Variants in CCDC138 observed in about 807,000 individuals in gnomAD.
CCDC138 encodes the protein coiled-coil domain containing 138.
In CCDC138, 66 loss-of-function variants were observed where a neutral mutation model predicts 82.3. The ratio of observed to expected loss-of-function variants is 0.80; its 90% CI spans 0.66 to 0.98. The LOEUF is 0.98. Among genes scored for constraint, CCDC138 ranks in the 50% least tolerant of loss-of-function variants. The probability of loss-of-function intolerance (pLI) is 0.00; values close to 1 mark genes in which losing one functional copy is unlikely to be tolerated. For synonymous variants in CCDC138, 297 were observed against 265.4 expected (o/e 1.12, Z -1.16); for missense variants, 816 against 758.9 (o/e 1.08, Z -0.88).
At chr2:108,858,817 A>G (rs1693082293) in intron 13 of CCDC138, among the ~76,000 whole-genome samples, 1 of 152,098 alleles carries the variant, frequency 6.6e-6, no homozygotes. Flanking sequence ...AATGGCATCC[A>G]GCTGCATCCA....
In CCDC138 at chr2:108,861,472, C is replaced by CTTTT. The variant is rs201132350; in HGVS notation, c.1693+4525_1693+4528dup. On this transcript the variant is annotated intron_variant, in intron 13 of 14. Transcript: ENST00000295124. ...ACATTTAGCACTATAAACTTTCTTC[C>CTTTT]TTTTTTTTTTTTTTTTTTTTTTTTT... Among the ~76,000 whole-genome samples the CTTTT allele has an allele frequency of 1.5e-4, 18 of 123,522 alleles. 5 individuals are homozygous for CTTTT. The highest frequency in any genetic ancestry group is 5.8e-4 in the African/African-American group (15 of 25,876). 81.0% of individuals were successfully genotyped at this position (123,522 alleles called of 152,430 possible).
At chr2:108,881,115 A>T (rs574596222), downstream of CCDC138, among the ~76,000 whole-genome samples, 1 of 152,346 alleles carries the variant, frequency 6.6e-6, no homozygotes, top group South Asian at 2.1e-4. Context: ...TGGTCTTCCA[A>T]TAGAAGGCTG....
chr2:108,794,029 T>C (rs1258799841), intron 4 of CCDC138, among the ~76,000 whole-genome samples: 1 of 152,144 alleles, frequency 6.6e-6, no homozygotes, highest in Non-Finnish European at 1.5e-5. Context: ...AAATAGGATA[T>C]ACAGTGAAGA....
chr2:108,875,400 C>G (rs1695887387), intron 14 of CCDC138, among the ~76,000 whole-genome samples: 1 of 149,276 alleles, frequency 6.7e-6, no homozygotes, highest in Non-Finnish European at 1.5e-5. Context: ...GATGGTTGAA[C>G]AAGTATTCTA....
chr2:108,884,637 T>A (rs1180182950), intron 2 of CCDC138: 1 of 152,196 alleles, frequency 6.6e-6, no homozygotes, highest in East Asian at 1.9e-4. Flanking sequence ...AAGTCAAGGA[T>A]GATGGTTTTG....
chr2:108,875,374 A>G (rs1695884273), intron 14 of CCDC138, among the ~76,000 whole-genome samples: 1 of 151,772 alleles, frequency 6.6e-6, no homozygotes, highest in African/African-American at 2.4e-5. Flanking sequence ...AATTACTGAC[A>G]GGTTATTAGA....
intron 12 of CCDC138, among the ~76,000 whole-genome samples, chr2:108,849,711 A>G (rs1691124423): frequency 6.6e-6 from 1 of 152,230 alleles, no homozygotes; most frequent in African/African-American, 2.4e-5. Flanking sequence ...TGGAACAAGG[A>G]AGAGATACAA....
At chr2:108,881,373 C>G (rs1696286575), downstream of CCDC138, among the ~76,000 whole-genome samples, 2 of 152,224 alleles carry the variant, frequency 1.3e-5, no homozygotes, top group Admixed American at 1.3e-4. Flanking sequence ...ATGGATTAGG[C>G]TTTGGCTTAA....
intron 10 of CCDC138, among the ~76,000 whole-genome samples, chr2:108,838,525 T>A (rs1363489529): frequency 6.6e-6 from 1 of 152,174 alleles, no homozygotes; most frequent in Non-Finnish European, 1.5e-5. Flanking sequence ...TAGGCTGGTA[T>A]CTCAGAAGTG....
intron 13 of CCDC138, among the ~76,000 whole-genome samples, chr2:108,872,611 G>A (rs1439329504): frequency 1.3e-5 from 2 of 152,046 alleles, no homozygotes; most frequent in Non-Finnish European, 2.9e-5. Flanking sequence ...TCAAGATGCT[G>A]GCATCTTGCG....
At chr2:108,820,060 C>T (rs894137410) in intron 10 of CCDC138, among the ~76,000 whole-genome samples, 1 of 152,060 alleles carries the variant, frequency 6.6e-6, no homozygotes, top group African/African-American at 2.4e-5. Flanking sequence ...TAAAAGTCAA[C>T]AGCAGACTTC....
intron 10 of CCDC138, among the ~76,000 whole-genome samples, chr2:108,832,293 CT>C (rs1687822947): frequency 6.6e-6 from 1 of 151,316 alleles, no homozygotes; most frequent in South Asian, 2.1e-4. Flanking sequence ...TCCCAAAGTG[CT>C]GAGATTACAG....
intron 9 of CCDC138, among the ~76,000 whole-genome samples, chr2:108,814,798 G>T: frequency 6.6e-6 from 1 of 151,546 alleles, no homozygotes; most frequent in Non-Finnish European, 1.5e-5. Flanking sequence ...ACCACGCCTG[G>T]CTAATTTTTA....
chr2:108,861,875 A>AGGTTTT (rs1307813442), intron 13 of CCDC138, among the ~76,000 whole-genome samples: 1 of 152,112 alleles, frequency 6.6e-6, no homozygotes, highest in Non-Finnish European at 1.5e-5. Flanking sequence ...TGTATCCTAC[A>AGGTTTT]GGTTTTGGTA....
At chr2:108,878,987 A>G (rs894222493), downstream of CCDC138, among the ~76,000 whole-genome samples, 2 of 152,008 alleles carry the variant, frequency 1.3e-5, no homozygotes, top group African/African-American at 4.8e-5. Flanking sequence ...GAACAAAAAT[A>G]TTTAGGATAA....
At chr2:108,813,680 T>C (rs760094095) in intron 9 of CCDC138, among the ~76,000 whole-genome samples, 23 of 152,208 alleles carry the variant, frequency 1.5e-4, no homozygotes, top group Admixed American at 9.8e-4. Context: ...TAAAGTTTGA[T>C]TAATTTTGAT....
chr2:108,843,888 T>G lies in CCDC138; in HGVS notation c.1324-2850T>G, dbSNP rs1558717292. 1.2e-4 allele frequency among the ~76,000 whole-genome samples: 14 copies of G among 113,166 alleles called. No individual in the cohort carries two copies. The South Asian group carries it at 4.2e-3, about 34-fold the overall frequency. The allele number at this position is 113,166 out of a possible 152,430, so 74.2% of individuals were successfully genotyped here. On this transcript the variant is annotated intron_variant, in intron 11 of 14. Transcript: ENST00000295124. ...TGTGTGTGTGTGTGTGTTTCTTTCTTTTTTTTTTTTTTTTTTTTTTGAGAC... is the reference window on the plus strand; with the variant it reads ...TGTGTGTGTGTGTGTGTTTCTTTCTGTTTTTTTTTTTTTTTTTTTTGAGAC...
At chr2:108,857,680 A>T (rs1196956574) in intron 13 of CCDC138, among the ~76,000 whole-genome samples, 1 of 152,218 alleles carries the variant, frequency 6.6e-6, no homozygotes, top group Non-Finnish European at 1.5e-5. Flanking sequence ...TACCTAGATT[A>T]GTAATCTTGG....
In CCDC138 at chr2:108,873,555, C is replaced by T. The variant is rs752225066; in HGVS notation, c.1798C>T (p.Leu600Phe). Residue 600 changes from leucine to phenylalanine, a missense_variant, in exon 14 of 15, where the codon CTC becomes TTC. Transcript: ENST00000295124. The part of the protein sequence containing the change: ...PKLDLQILEK[L>F]SIILQKLSKI... The stretch of plus-strand genomic sequence containing the variant: ...GCTTGATCTTCAAATACTAGAAAAA[C>T]TCAGTATTATTTTACAGAAACTTTC... 1 of 1,610,330 alleles carries T rather than the reference C, an allele frequency of 6.2e-7. No homozygotes were observed. Among genetic ancestry groups the T allele is most frequent in the African/African-American group, 1.3e-5 (1 of 74,850 alleles).
Sources: allele counts gnomAD v4.1 joint callset (sites outside exome capture counted in the v4.1 genomes callset), GRCh38; gene constraint gnomAD v4.1.1; transcripts MANE v1.5; gene names NCBI Gene and HGNC (gene_info 2026-07-23, HGNC 2026-07-21).